RASGRF1: variants seen among roughly 807,000 people sequenced by gnomAD.
RASGRF1 encodes ras-specific guanine nucleotide-releasing factor 1.
RASGRF1 carries 40 observed loss-of-function variants against 138.7 expected under a neutral mutation model. The observed-to-expected ratio is 0.29, with a 90% CI of 0.22 to 0.38. The LOEUF is 0.38. Among genes scored for constraint, RASGRF1 ranks in the 10% least tolerant of loss-of-function variants. RASGRF1 has a pLI of 1.00. For missense variants in RASGRF1, 1,108 were observed against 1,650.4 expected (o/e 0.67, Z 5.69); for synonymous variants, 614 against 663.2 (o/e 0.93, Z 1.14).
chr15:79,014,516 A>G (rs893394881), intron 13 of RASGRF1, among the ~76,000 whole-genome samples: 3 of 152,256 alleles, frequency 2.0e-5, no homozygotes, highest in African/African-American at 7.2e-5. Flanking sequence ...GTATGTTCTC[A>G]TTCATAAGTG....
intron 13 of RASGRF1, among the ~76,000 whole-genome samples, chr15:79,012,237 C>T (rs1267461283): frequency 1.3e-5 from 2 of 152,122 alleles, no homozygotes. Context: ...CATGCTGTTC[C>T]CTCTTCCCAG....
intron 3 of RASGRF1, among the ~76,000 whole-genome samples, chr15:79,049,859 C>T (rs573830406): frequency 4.6e-5 from 7 of 152,156 alleles, no homozygotes; most frequent in Non-Finnish European, 5.9e-5. Context: ...TGACCTTGGA[C>T]GAAGCCCTTC....
intron 17 of RASGRF1, 150 bp from the exon 18 acceptor site, chr15:78,998,975 T>C: frequency 4.7e-6 from 3 of 643,758 alleles, no homozygotes; most frequent in South Asian, 3.4e-5. Context: ...TAACAACTAG[T>C]GTCTGACCAA....
In RASGRF1 at chr15:78,973,462, A is replaced by C; in HGVS notation, c.3495-42T>G. ...ATTAACACAAGTTTTTCATTTTAAA[A>C]AAGTAACGTCTACCAAGAACAGAAC... On this transcript the variant is annotated intron_variant, in intron 24 of 26. Transcript: ENST00000558480. The surrounding 1 kb of genome is among the most constrained non-coding windows in gnomAD (Gnocchi z 4.9). The C allele has an allele frequency of 6.9e-7, 1 of 1,444,452 alleles. No individual in the cohort carries two copies. Among genetic ancestry groups the C allele is most frequent in the Non-Finnish European group, 9.7e-7 (1 of 1,034,426 alleles). 89.5% of individuals were successfully genotyped at this position (1,444,452 alleles called of 1,614,324 possible).
intron 22 of RASGRF1, chr15:78,985,519 G>A (rs1215164423): frequency 8.7e-6 from 2 of 228,678 alleles, no homozygotes; most frequent in Non-Finnish European, 1.7e-5. Flanking sequence ...GGTCACCAAA[G>A]GATATAAAAG....
At chr15:79,047,654 A>T (rs2057373021) in intron 4 of RASGRF1, among the ~76,000 whole-genome samples, 1 of 152,134 alleles carries the variant, frequency 6.6e-6, no homozygotes, top group Non-Finnish European at 1.5e-5. Context: ...ATGAACAGAG[A>T]CACTTAACTC....
intron 26 of RASGRF1, among the ~76,000 whole-genome samples, 174 bp from the exon 27 acceptor site, chr15:78,962,410 G>A (rs1440656256): frequency 6.6e-6 from 1 of 152,124 alleles, no homozygotes; most frequent in Admixed American, 6.6e-5. Flanking sequence ...TTAAGCAGTC[G>A]ACGTAAGTAT....
intron 1 of RASGRF1, among the ~76,000 whole-genome samples, chr15:79,068,026 G>A (rs981045728): frequency 6.6e-6 from 1 of 152,070 alleles, no homozygotes. Flanking sequence ...CAGTGGTGTG[G>A]GGAAAAAAAA....
intron 11 of RASGRF1, among the ~76,000 whole-genome samples, chr15:79,019,201 G>C (rs1364158060): frequency 6.6e-6 from 1 of 152,154 alleles, no homozygotes; most frequent in Non-Finnish European, 1.5e-5. Flanking sequence ...TCTGAGGAGG[G>C]AAAAGAGCAC....
chr15:79,082,882 C>T (rs962103086), intron 1 of RASGRF1, among the ~76,000 whole-genome samples: 2 of 152,136 alleles, frequency 1.3e-5, no homozygotes, highest in Non-Finnish European at 2.9e-5. Context: ...TGCGAGAGAC[C>T]CCAGGGACCT....
intron 15 of RASGRF1, 33 bp from the exon 16 acceptor site, chr15:79,001,820 CTTAAT>C: frequency 7.7e-7 from 1 of 1,306,114 alleles, no homozygotes; most frequent in South Asian, 2.0e-5. Context: ...TTTTACTTTT[CTTAAT>C]TTTAATTTTA....
At chr15:79,038,358 T>A (rs1415894527) in intron 5 of RASGRF1, among the ~76,000 whole-genome samples, 1 of 152,194 alleles carries the variant, frequency 6.6e-6, no homozygotes, top group Non-Finnish European at 1.5e-5. Flanking sequence ...AGGAACATCA[T>A]AAGCTAGAAT....
rs1489117297 is a variant in RASGRF1 at position 79,025,380 on chromosome 15, G to A, written c.1476C>T (p.Cys492=). ...TAATCAGATGCTTAGAAAACAGGAAGCACTGTCGCTCGCCCTCTTTCTTTA... is the reference window on the plus strand; with the variant it reads ...TAATCAGATGCTTAGAAAACAGGAAACACTGTCGCTCGCCCTCTTTCTTTA... ...LSLKKEGERQ[C]FLFSKHLIIC... is the part of the protein sequence containing the mutation. Residue 492 remains cysteine, a synonymous_variant, in exon 10 of 27, where the codon TGC becomes TGT. Coordinates refer to ENST00000558480, the MANE Select transcript of RASGRF1 (RefSeq NM_001145648.3). 16 of 1,613,892 alleles carry A rather than the reference G, an allele frequency of 9.9e-6. No homozygotes were observed. Among genetic ancestry groups the A allele is most frequent in the Non-Finnish European group, 1.2e-5 (14 of 1,179,942 alleles).
chr15:78,993,394 T>G (rs1271065448), intron 20 of RASGRF1, among the ~76,000 whole-genome samples: 4 of 150,846 alleles, frequency 2.7e-5, no homozygotes, highest in Non-Finnish European at 4.4e-5. Flanking sequence ...TGGGTGTGTG[T>G]GTGTGTTTGT....
intron 10 of RASGRF1, among the ~76,000 whole-genome samples, chr15:79,022,762 G>A (rs2056979379): frequency 6.6e-6 from 1 of 152,192 alleles, no homozygotes; most frequent in South Asian, 2.1e-4. Flanking sequence ...TTGTGGCCAT[G>A]TGAACATAAG....
chr15:79,021,883 T>C (rs1416286995), intron 10 of RASGRF1, among the ~76,000 whole-genome samples: 1 of 152,234 alleles, frequency 6.6e-6, no homozygotes, highest in African/African-American at 2.4e-5. Flanking sequence ...ATGTTATAAA[T>C]ACAAGTTCGT....
chr15:79,037,376 T>G (rs1428736161), intron 5 of RASGRF1, among the ~76,000 whole-genome samples: 1 of 150,846 alleles, frequency 6.6e-6, no homozygotes, highest in East Asian at 1.9e-4. Flanking sequence ...GATGGTGGGG[T>G]GGGGGAGGTG....
In RASGRF1 at chr15:79,031,427, G is replaced by A; in HGVS notation, c.1235C>T (p.Ala412Val). The part of the protein sequence containing the change: ...EHVERNSLDY[A>V]KSKLEELSRI... ...GGACAGCTCCTCCAGTTTGGACTTGGCGTAGTCCAGGCTGTTGCGCTCAAC... is the reference window on the plus strand; with the variant it reads ...GGACAGCTCCTCCAGTTTGGACTTGACGTAGTCCAGGCTGTTGCGCTCAAC... The change falls in exon 8 of 27, where the codon GCC becomes GTC. Residue 412 changes from alanine to valine, a missense_variant. Ala to Val is a moderately conservative substitution (Grantham distance 64). Transcript: ENST00000558480. 1 of 1,612,068 alleles carries A rather than the reference G, an allele frequency of 6.2e-7. No individual in the cohort carries two copies. The highest frequency in any genetic ancestry group is 8.5e-7 in the Non-Finnish European group (1 of 1,179,004).
Position 78,971,860 on chromosome 15 carries a change from G to A in RASGRF1, c.3681+6C>T, listed in dbSNP as rs773752795. 4 of 1,569,532 alleles carry A rather than the reference G, an allele frequency of 2.5e-6. No individual in the cohort carries two copies. Among genetic ancestry groups the A allele is most frequent in the Non-Finnish European group, 3.5e-6 (4 of 1,139,420 alleles). On this transcript the variant is annotated splice_donor_region_variant and intron_variant, in intron 26 of 26. Transcript: ENST00000558480. ...ATGCAAGTGACCAGGAAAAGGCACA[G>A]CTTACCTTTGCTTGGTGCTCTATTT...
Sources: allele counts gnomAD v4.1 joint callset (sites outside exome capture counted in the v4.1 genomes callset), GRCh38; gene constraint gnomAD v4.1.1; non-coding constraint Gnocchi (gnomAD v3.1); transcripts MANE v1.5; gene names NCBI Gene and HGNC (gene_info 2026-07-23, HGNC 2026-07-21).